The following EFCAB7 variants were observed in gnomAD, a reference collection of about 807,000 sequenced individuals.
EFCAB7 encodes EF-hand calcium binding domain 7.
EFCAB7 carries 66 observed loss-of-function variants against 77.1 expected under a neutral mutation model. That is an observed-to-expected ratio of 0.86 (90% CI 0.70 to 1.05). EFCAB7 has a LOEUF of 1.05. Ranked by LOEUF, EFCAB7 falls within the 50% of genes least tolerant of loss-of-function variation. The pLI is 0.00. For missense variants in EFCAB7, 638 were observed against 730.5 expected (o/e 0.87, Z 1.46); for synonymous variants, 225 against 243.3 (o/e 0.92, Z 0.70).
intron 6 of EFCAB7, among the ~76,000 whole-genome samples, chr1:63,536,392 T>A (rs1186067830): frequency 1.3e-5 from 2 of 151,958 alleles, no homozygotes; most frequent in Admixed American, 6.6e-5. Flanking sequence ...TATTTATGCA[T>A]TTTTTTTAAG....
intron 2 of EFCAB7, among the ~76,000 whole-genome samples, chr1:63,527,505 T>G (rs1644761271): frequency 1.1e-5 from 1 of 94,706 alleles, no homozygotes; most frequent in Non-Finnish European, 2.1e-5. Flanking sequence ...GTTCCTTTTT[T>G]GTCAATTTAT....
chr1:63,532,563 C>A, intron 3 of EFCAB7, 107 bp from the exon 4 acceptor site: 1 of 703,232 alleles, frequency 1.4e-6, no homozygotes, highest in Non-Finnish European at 2.3e-6. Flanking sequence ...TGAAGCAATA[C>A]ATTCAGACTT....
intron 9 of EFCAB7, 109 bp from the exon 10 acceptor site, chr1:63,557,005 T>G: frequency 2.2e-6 from 2 of 909,888 alleles, no homozygotes; most frequent in Non-Finnish European, 3.1e-6. Flanking sequence ...GCCACTGCAC[T>G]CCAGCCTGGG....
intron 6 of EFCAB7, among the ~76,000 whole-genome samples, chr1:63,541,408 A>T (rs530120607): frequency 6.6e-6 from 1 of 152,220 alleles, no homozygotes; most frequent in Non-Finnish European, 1.5e-5. Flanking sequence ...AAAAATATAC[A>T]TACATTTTTG....
At chr1:63,524,934 A>G (rs1321136047) in intron 1 of EFCAB7, among the ~76,000 whole-genome samples, 4 of 152,208 alleles carry the variant, frequency 2.6e-5, no homozygotes, top group African/African-American at 9.6e-5. Context: ...CAGTAAAACT[A>G]TGATAATGCT....
rs552766202 is a variant in EFCAB7, at chr1:63,564,262, A to G, written c.1497+2405A>G. On this transcript the variant is annotated intron_variant, in intron 11 of 13. Transcript: ENST00000371088. ...TTCTTGCTTGTTGTTTGCTTCCTAT[A>G]TTAAGTTAGTAGGATAAAGAAAATA... Among the ~76,000 whole-genome samples the G allele has an allele frequency of 4.6e-5, 7 of 152,290 alleles. No homozygotes were observed. The East Asian group carries it at 9.6e-4, about 21-fold the overall frequency.
At chr1:63,560,743 A>C (rs1163894481) in intron 10 of EFCAB7, among the ~76,000 whole-genome samples, 1 of 151,980 alleles carries the variant, frequency 6.6e-6, no homozygotes, top group East Asian at 1.9e-4. Flanking sequence ...GCTGGTCTTG[A>C]ACTCCTGAGC....
chr1:63,571,814 A>C (rs1001280642), intron 13 of EFCAB7, among the ~76,000 whole-genome samples: 1 of 152,216 alleles, frequency 6.6e-6, no homozygotes, highest in Non-Finnish European at 1.5e-5. Context: ...AATAGTAACA[A>C]TAATTTTGAT....
chr1:63,581,896 G>T, the EFCAB7 span, among the ~76,000 whole-genome samples: 1 of 152,050 alleles, frequency 6.6e-6, no homozygotes, highest in Non-Finnish European at 1.5e-5. Flanking sequence ...TCAAAATTTA[G>T]GCACATAAAC....
At chr1:63,560,512 CTTTTT>C (rs11347600) in intron 10 of EFCAB7, among the ~76,000 whole-genome samples, 3 of 77,424 alleles carry the variant, frequency 3.9e-5, no homozygotes, top group African/African-American at 5.5e-5. Flanking sequence ...AAACTCTTAA[CTTTTT>C]TTTTTTTTTT....
chr1:63,563,533 G>A (rs576847718), intron 11 of EFCAB7, among the ~76,000 whole-genome samples: 2 of 152,268 alleles, frequency 1.3e-5, no homozygotes, highest in South Asian at 4.1e-4. Context: ...ACTATCTGGG[G>A]AAGCATGGTT....
At chr1:63,534,044 C>G in intron 5 of EFCAB7, 51 bp from the exon 6 acceptor site, 2 of 1,604,638 alleles carry the variant, frequency 1.2e-6, no homozygotes, top group Non-Finnish European at 1.7e-6. Context: ...GAAAAAACTC[C>G]TATTGACAAC....
At chr1:63,574,901 A>G (rs1647367771), downstream of EFCAB7, among the ~76,000 whole-genome samples, 1 of 152,250 alleles carries the variant, frequency 6.6e-6, no homozygotes, top group African/African-American at 2.4e-5. Context: ...GGAGCGGGGC[A>G]GAAAGTATAT....
the EFCAB7 span, among the ~76,000 whole-genome samples, chr1:63,581,628 T>G: frequency 3.9e-5 from 6 of 152,226 alleles, no homozygotes; most frequent in East Asian, 1.2e-3. Flanking sequence ...CTAATACAGT[T>G]GACCCTTGAA....
At chr1:63,571,178 A>T in intron 13 of EFCAB7, 50 bp downstream of exon 13, 1 of 1,333,904 alleles carries the variant, frequency 7.5e-7, no homozygotes, top group Non-Finnish European at 1.1e-6. Flanking sequence ...TCTTTGAAAA[A>T]AATTTGCTAT....
At chr1:63,543,699 A>G (rs538908208) in intron 6 of EFCAB7, among the ~76,000 whole-genome samples, 16 of 152,332 alleles carry the variant, frequency 1.1e-4, no homozygotes, top group African/African-American at 3.6e-4. Flanking sequence ...AAATCTTTCT[A>G]TAATGAATTA....
the EFCAB7 span, among the ~76,000 whole-genome samples, chr1:63,583,957 A>T: frequency 6.6e-6 from 1 of 151,576 alleles, no homozygotes; most frequent in African/African-American, 2.4e-5. Flanking sequence ...AAAAAAAAAA[A>T]AAGTGGGAGG....
intron 11 of EFCAB7, among the ~76,000 whole-genome samples, chr1:63,567,338 A>G (rs1647182366): frequency 6.6e-6 from 1 of 152,078 alleles, no homozygotes; most frequent in Admixed American, 6.6e-5. Context: ...CTGTAATCGC[A>G]GCTACTTGGG....
At chr1:63,573,080 CT>C (rs959597742), downstream of EFCAB7, among the ~76,000 whole-genome samples, 20 of 152,120 alleles carry the variant, frequency 1.3e-4, no homozygotes, top group Non-Finnish European at 8.8e-5. Context: ...GATGGCTTAG[CT>C]TGGGCTCAGA....
Sources: allele counts gnomAD v4.1 joint callset (sites outside exome capture counted in the v4.1 genomes callset), GRCh38; gene constraint gnomAD v4.1.1; transcripts MANE v1.5; gene names NCBI Gene and HGNC (gene_info 2026-07-23, HGNC 2026-07-21).